Variants in ARFGEF1 observed in about 807,000 individuals in gnomAD.
ARFGEF1 encodes brefeldin A-inhibited guanine nucleotide-exchange protein 1.
Under a neutral mutation model 231.0 loss-of-function variants are expected in ARFGEF1, and 42 were observed. The ratio of observed to expected loss-of-function variants is 0.18; its 90% CI spans 0.14 to 0.24. The LOEUF is 0.24. Ranked by LOEUF, ARFGEF1 falls within the 10% of genes least tolerant of loss-of-function variation. ARFGEF1 has a pLI of 1.00. For synonymous variants in ARFGEF1, 710 were observed against 732.3 expected (o/e 0.97, Z 0.49); for missense variants, 1,345 against 2,192.0 (o/e 0.61, Z 7.72).
In ARFGEF1 at chr8:67,227,965, T is replaced by C; in HGVS notation, c.3589A>G (p.Lys1197Glu). ...IWEVIGDHFN[K>E]VGCNPNEDVA... The stretch of plus-strand genomic sequence containing the variant: ...AAACACCATAGTTATTCAAATACCT[T>C]ATTAAAATGATCTCCAATAACTTCC... Residue 1197 changes from lysine (K) to glutamate (E), a missense_variant and splice_region_variant, in exon 25 of 39, where the codon AAG becomes GAG. By Grantham distance (56) the Lys-to-Glu change is moderately conservative. Coordinates refer to ENST00000262215, the MANE Select transcript of ARFGEF1 (RefSeq NM_006421.5). 1 of 1,564,480 alleles carries C rather than the reference T, an allele frequency of 6.4e-7. No individual in the cohort carries two copies. The highest frequency in any genetic ancestry group is 1.4e-5 in the African/African-American group (1 of 72,170).
intron 9 of ARFGEF1, among the ~76,000 whole-genome samples, chr8:67,273,199 T>C (rs2128897410): frequency 6.6e-6 from 1 of 152,128 alleles, no homozygotes; most frequent in Non-Finnish European, 1.5e-5. Context: ...GCTGAAAAAG[T>C]AGTTTTTGGC....
intron 37 of ARFGEF1, 85 bp from the exon 38 acceptor site, chr8:67,200,598 T>C: frequency 1.2e-6 from 1 of 802,468 alleles, no homozygotes; most frequent in East Asian, 2.5e-5. Context: ...ATGAACATAG[T>C]AGTGAATATG....
At chr8:67,338,575 A>G (rs896135750) in intron 1 of ARFGEF1, among the ~76,000 whole-genome samples, 20 of 152,216 alleles carry the variant, frequency 1.3e-4, no homozygotes, top group African/African-American at 3.6e-4. Flanking sequence ...TTTTCAACCC[A>G]AACTTATTTT....
chr8:67,272,014 C>A (rs778817101), intron 9 of ARFGEF1, 78 bp from the exon 10 acceptor site: 5 of 804,386 alleles, frequency 6.2e-6, no homozygotes, highest in South Asian at 1.9e-5. Context: ...AAAAATATTT[C>A]CAGATACACA....
intron 7 of ARFGEF1, among the ~76,000 whole-genome samples, chr8:67,286,038 ATATATG>A (rs1459345948): frequency 6.6e-6 from 1 of 152,218 alleles, no homozygotes; most frequent in African/African-American, 2.4e-5. Context: ...ACACTGAAAA[ATATATG>A]TATATTAGAT....
chr8:67,232,573 A>G (rs1459660925), intron 23 of ARFGEF1, among the ~76,000 whole-genome samples: 3 of 152,040 alleles, frequency 2.0e-5, no homozygotes, highest in Non-Finnish European at 4.4e-5. Context: ...ACGAGAAAAT[A>G]AAACATTTGT....
chr8:67,322,908 T>A (rs980282650), intron 1 of ARFGEF1, among the ~76,000 whole-genome samples: 5 of 152,228 alleles, frequency 3.3e-5, no homozygotes, highest in Non-Finnish European at 7.3e-5. Context: ...CATCTTTACA[T>A]TCATCAGGCT....
chr8:67,311,396 G>A (rs1369489977), intron 1 of ARFGEF1, among the ~76,000 whole-genome samples: 7 of 117,208 alleles, frequency 6.0e-5, no homozygotes, highest in South Asian at 3.3e-4. Context: ...CCAGCCAGCC[G>A]CCCCGTCCGG....
intron 36 of ARFGEF1, among the ~76,000 whole-genome samples, chr8:67,202,267 T>C (rs1158463506): frequency 1.3e-5 from 2 of 152,110 alleles, no homozygotes; most frequent in Non-Finnish European, 2.9e-5. Context: ...TTTTTTCTTT[T>C]CTTTTTTTAA....
At position 67,198,200 on chromosome 8, in the gene ARFGEF1, T is replaced by TG. The variant is rs1427618300; in HGVS notation, c.*733dup. The TG allele has an allele frequency of 1.0e-6, 1 of 985,686 alleles. No homozygotes were observed. Among genetic ancestry groups the TG allele is most frequent in the Admixed American group, 6.1e-5 (1 of 16,262 alleles). 61.1% of individuals were successfully genotyped at this position (985,686 alleles called of 1,614,324 possible). A position where few individuals can be genotyped will look rare whatever the true frequency, so the allele number is the denominator to read the frequency against. On this transcript the variant is annotated 3_prime_UTR_variant, in exon 39 of 39. Coordinates refer to ENST00000262215, the MANE Select transcript of ARFGEF1 (RefSeq NM_006421.5). ...TGTCGGCCACAACAGCTTCTGGGCA[T>TG]GTTACAGCCTCAAAATCACCACCTA...
intron 34 of ARFGEF1, among the ~76,000 whole-genome samples, chr8:67,206,303 G>A (rs200785801): frequency 6.6e-6 from 1 of 151,510 alleles, no homozygotes; most frequent in Non-Finnish European, 1.5e-5. Context: ...CCAGCTACTC[G>A]GGAGGCTGAG....
intron 7 of ARFGEF1, among the ~76,000 whole-genome samples, chr8:67,287,685 T>C (rs1020630959): frequency 6.6e-6 from 1 of 152,258 alleles, no homozygotes; most frequent in Admixed American, 6.5e-5. Context: ...CTTTGAATAC[T>C]GTGCTGGTAT....
chr8:67,238,984 A>T, intron 20 of ARFGEF1, 91 bp from the exon 21 acceptor site: 1 of 989,780 alleles, frequency 1.0e-6, no homozygotes, highest in South Asian at 2.9e-5. Context: ...TTGTTCAGTA[A>T]GATTTTGTTT....
At chr8:67,311,460 A>G (rs1363348061) in intron 1 of ARFGEF1, among the ~76,000 whole-genome samples, 1 of 102,992 alleles carries the variant, frequency 9.7e-6, no homozygotes, top group African/African-American at 3.8e-5. Flanking sequence ...TCAGGGAGGG[A>G]GGTGGGGGGG....
intron 1 of ARFGEF1, among the ~76,000 whole-genome samples, chr8:67,331,342 C>A (rs1203950457): frequency 6.6e-6 from 1 of 152,026 alleles, no homozygotes; most frequent in Non-Finnish European, 1.5e-5. Flanking sequence ...AGAGGTGGGG[C>A]CTTCAGGAGG....
intron 1 of ARFGEF1, among the ~76,000 whole-genome samples, chr8:67,317,372 T>C (rs1465007871): frequency 2.0e-5 from 3 of 151,976 alleles, no homozygotes; most frequent in Non-Finnish European, 4.4e-5. Context: ...GTGAAAACAG[T>C]TTTGCCAAGG....
chr8:67,190,166 G>T (rs913889752), intron 5 of ARFGEF1, among the ~76,000 whole-genome samples: 1 of 152,290 alleles, frequency 6.6e-6, no homozygotes, highest in South Asian at 2.1e-4. Flanking sequence ...ATTGCTAGCA[G>T]CTAGCAAATG....
At chr8:67,338,116 T>C (rs1243994117) in intron 1 of ARFGEF1, among the ~76,000 whole-genome samples, 1 of 152,232 alleles carries the variant, frequency 6.6e-6, no homozygotes, top group Non-Finnish European at 1.5e-5. Context: ...ATGAGTTACC[T>C]GCCCCTAGAT....
At chr8:67,233,775 C>A (rs1839628789) in intron 22 of ARFGEF1, among the ~76,000 whole-genome samples, 1 of 151,974 alleles carries the variant, frequency 6.6e-6, no homozygotes, top group Non-Finnish European at 1.5e-5. Context: ...AAACTCTTTA[C>A]CCTAGCATTT....
Sources: allele counts gnomAD v4.1 joint callset (sites outside exome capture counted in the v4.1 genomes callset), GRCh38; gene constraint gnomAD v4.1.1; transcripts MANE v1.5; gene names NCBI Gene and HGNC (gene_info 2026-07-23, HGNC 2026-07-21).